The following TTL variants were observed in gnomAD, a reference collection of about 807,000 sequenced individuals.
The protein encoded by TTL is tubulin tyrosine ligase, also known as tubulin--tyrosine ligase.
TTL carries 10 observed loss-of-function variants against 41.1 expected under a neutral mutation model. The observed-to-expected ratio is 0.24, with a 90% CI of 0.15 to 0.41. TTL has a LOEUF of 0.41. Ranked by LOEUF, TTL falls within the 10% of genes least tolerant of loss-of-function variation. The probability of loss-of-function intolerance (pLI) is 1.00; values close to 1 mark genes in which losing one functional copy is unlikely to be tolerated. For missense variants in TTL, 367 were observed against 460.4 expected, an observed-to-expected ratio of 0.80 and a Z score of 1.86; for synonymous variants, 175 against 175.5, an observed-to-expected ratio of 1.00 and a Z score of 0.02.
chr2:112,482,361 T>G lies in TTL; in HGVS notation c.17T>G (p.Val6Gly). Residue 6 changes from valine to glycine, a missense_variant, in exon 1 of 7, where the codon GTA becomes GGA. Transcript: ENST00000233336. This position sits in a 1 kb window ranked among gnomAD's most constrained non-coding sequence, Gnocchi z 5.3. MYTFVVRDENSSVYAE... is the reference protein window; with the variant it reads MYTFVGRDENSSVYAE... ...CGCTTCGCCATGTACACCTTCGTGG[T>G]ACGCGATGAGAACAGCAGCGTCTAC... 6.4e-7 allele frequency: 1 copy of G among 1,564,402 alleles called. No individual in the cohort carries two copies. Among genetic ancestry groups the G allele is most frequent in the Non-Finnish European group, 8.7e-7 (1 of 1,155,498 alleles).
Position 112,530,281 on chromosome 2 carries a change from A to C in TTL, c.*1486A>C, listed in dbSNP as rs1202442334. 1.3e-5 allele frequency: 3 copies of C among 231,172 alleles called. No individual in the cohort carries two copies. The highest frequency in any genetic ancestry group is 1.1e-4 in the Admixed American group (2 of 17,722). The allele number at this position is 231,172 out of a possible 1,614,324, so 14.3% of individuals were successfully genotyped here. On this transcript the variant is annotated 3_prime_UTR_variant, in exon 7 of 7. Coordinates refer to ENST00000233336, the MANE Select transcript of TTL (RefSeq NM_153712.5). ...AATGAAAAAGGCAATAATGATAGAA[A>C]TTATTTCTTAGGTACAGCAATAGTT...
intron 5 of TTL, among the ~76,000 whole-genome samples, chr2:112,513,633 A>G (rs1021422700): frequency 4.0e-5 from 6 of 148,964 alleles, no homozygotes; most frequent in Non-Finnish European, 5.9e-5. Context: ...TTATACAAGT[A>G]TGAATATTTA....
At chr2:112,518,427 T>A (rs1682129096) in intron 5 of TTL, among the ~76,000 whole-genome samples, 1 of 152,038 alleles carries the variant, frequency 6.6e-6, no homozygotes, top group Admixed American at 6.5e-5. Flanking sequence ...ATGACTCATC[T>A]TAAAAGAACC....
In TTL at chr2:112,531,970, A is replaced by G. The variant is rs977442264; in HGVS notation, c.*3175A>G. The G allele has an allele frequency of 8.8e-6, 2 of 226,664 alleles. No homozygotes were observed. Among genetic ancestry groups the G allele is most frequent in the Non-Finnish European group, 1.8e-5 (2 of 114,050 alleles). The allele number at this position is 226,664 out of a possible 1,614,324, so 14.0% of individuals were successfully genotyped here. On this transcript the variant is annotated 3_prime_UTR_variant, in exon 7 of 7. Transcript: ENST00000233336. Reference sequence around the variant, plus strand: ...AAACTCAACTCCTATGGCAATTATGAACTCCATTTTACCAAGAACATTTAA... The same window carrying G: ...AAACTCAACTCCTATGGCAATTATGGACTCCATTTTACCAAGAACATTTAA...
intron 4 of TTL, 102 bp from the exon 5 acceptor site, chr2:112,502,810 C>G: frequency 7.3e-7 from 1 of 1,374,354 alleles, no homozygotes; most frequent in Non-Finnish European, 9.8e-7. Context: ...CCTCCCACTC[C>G]TTACCTACCC....
At chr2:112,519,053 C>T (rs77859552) in intron 5 of TTL, among the ~76,000 whole-genome samples, 1 of 152,018 alleles carries the variant, frequency 6.6e-6, no homozygotes, top group African/African-American at 2.4e-5. Flanking sequence ...GTCATTGTAG[C>T]ACATTTTATT....
rs1351927836 is a variant in TTL at position 112,538,446 on chromosome 2, A to G, written c.*9651A>G. The G allele has an allele frequency of 6.6e-6, 1 of 152,206 alleles. No individual in the cohort carries two copies. Among genetic ancestry groups the G allele is most frequent in the East Asian group, 1.9e-4 (1 of 5,200 alleles). 9.4% of individuals were successfully genotyped at this position (152,206 alleles called of 1,614,324 possible). A position where few individuals can be genotyped will look rare whatever the true frequency, so the allele number is the denominator to read the frequency against. On this transcript the variant is annotated 3_prime_UTR_variant, in exon 7 of 7. Transcript: ENST00000233336. The stretch of plus-strand genomic sequence containing the variant: ...ATTATGACTAAGTGGGACTTATCCT[A>G]AGATTACAAAGTTTGGAATAACTCA...
chr2:112,495,772 G>A (rs562179893), intron 3 of TTL, among the ~76,000 whole-genome samples: 3 of 152,254 alleles, frequency 2.0e-5, no homozygotes, highest in South Asian at 2.1e-4. Context: ...GCGTGAACCC[G>A]GGAAGTGGAG....
At chr2:112,510,596 C>T (rs1314304072) in intron 5 of TTL, among the ~76,000 whole-genome samples, 2 of 152,118 alleles carry the variant, frequency 1.3e-5, no homozygotes, top group Non-Finnish European at 2.9e-5. Flanking sequence ...CTCAGCCTCC[C>T]GTGTAGCTGG....
chr2:112,490,985 ATAC>A (rs1681368923), intron 2 of TTL, among the ~76,000 whole-genome samples: 1 of 151,704 alleles, frequency 6.6e-6, no homozygotes, highest in South Asian at 2.1e-4. Flanking sequence ...TAAAATATCT[ATAC>A]TATGAGTTTG....
rs927788369 is a variant in TTL at position 112,533,000 on chromosome 2, C to G, written c.*4205C>G. ...CAGGTTTTTAAATACCTATAAACCT[C>G]ACACACCTGAGATGCTTAGTCTTGT... On this transcript the variant is annotated 3_prime_UTR_variant, in exon 7 of 7. Coordinates refer to ENST00000233336, the MANE Select transcript of TTL (RefSeq NM_153712.5). 2.6e-5 allele frequency: 4 copies of G among 152,244 alleles called. No homozygotes were observed. The highest frequency in any genetic ancestry group is 5.9e-5 in the Non-Finnish European group (4 of 68,050). 9.4% of individuals were successfully genotyped at this position (152,244 alleles called of 1,614,324 possible). A position where few individuals can be genotyped will look rare whatever the true frequency, so the allele number is the denominator to read the frequency against.
intron 5 of TTL, among the ~76,000 whole-genome samples, chr2:112,515,048 C>A (rs1156605323): frequency 1.3e-5 from 2 of 152,064 alleles, no homozygotes; most frequent in Admixed American, 1.3e-4. Flanking sequence ...AGTTAGCGTG[C>A]TTTTTAGTTC....
intron 2 of TTL, among the ~76,000 whole-genome samples, chr2:112,492,674 G>A (rs1005442653): frequency 1.3e-5 from 2 of 151,918 alleles, no homozygotes; most frequent in African/African-American, 2.4e-5. Flanking sequence ...AGCTTGCAGT[G>A]AGCCGAGGTC....
At position 112,538,914 on chromosome 2, in the gene TTL, A is replaced by C. The variant is rs187707725; in HGVS notation, c.*10119A>C. ...GGGCGGATCATGAGGTCCGGAGATC[A>C]AGACCATCCTGGCTAATATGGTGAA... On this transcript the variant is annotated 3_prime_UTR_variant, in exon 7 of 7. Coordinates refer to ENST00000233336, the MANE Select transcript of TTL (RefSeq NM_153712.5). 6.6e-6 allele frequency: 1 copy of C among 152,186 alleles called. No homozygotes were observed. The highest frequency in any genetic ancestry group is 1.5e-5 in the Non-Finnish European group (1 of 68,136). 9.4% of individuals were successfully genotyped at this position (152,186 alleles called of 1,614,324 possible).
At position 112,531,926 on chromosome 2, in the gene TTL, T is replaced by C; in HGVS notation, c.*3131T>C. 1 of 224,312 alleles carries C rather than the reference T, an allele frequency of 4.5e-6. No homozygotes were observed. The highest frequency in any genetic ancestry group is 8.9e-6 in the Non-Finnish European group (1 of 112,660). 13.9% of individuals were successfully genotyped at this position (224,312 alleles called of 1,614,324 possible). A position where few individuals can be genotyped will look rare whatever the true frequency, so the allele number is the denominator to read the frequency against. ...AAATATGTATTAAGGGTATTAATTA[T>C]TGAAAGTCCCTTTCCCCAAAACTCA... On this transcript the variant is annotated 3_prime_UTR_variant, in exon 7 of 7. Transcript: ENST00000233336.
rs1559017335 is a variant in TTL, at chr2:112,513,635, G to GTATAAGTATAAATATTTATACAAGTATA, written c.876-6647_876-6646insTATAAGTATAAATATTTATACAAGTATA. On this transcript the variant is annotated intron_variant, in intron 5 of 6. Transcript: ENST00000233336. ...TAAGTATAAATATTTATACAAGTAT[G>GTATAAGTATAAATATTTATACAAGTATA]AATATTTATACAAGTATAAATATAA... is the stretch of plus-strand genomic sequence containing the variant. Among the ~76,000 whole-genome samples the GTATAAGTATAAATATTTATACAAGTATA allele has an allele frequency of 2.2e-4, 33 of 148,800 alleles. 2 individuals are homozygous for GTATAAGTATAAATATTTATACAAGTATA. The highest frequency in any genetic ancestry group is 1.6e-3 in the East Asian group (8 of 5,106).
chr2:112,531,012 AG>A lies in TTL; in HGVS notation c.*2219del, dbSNP rs1181836204. 2 of 190,746 alleles carry A rather than the reference AG, an allele frequency of 1.0e-5. No homozygotes were observed. Among genetic ancestry groups the A allele is most frequent in the African/African-American group, 4.7e-5 (2 of 42,938 alleles). The allele number at this position is 190,746 out of a possible 1,614,324, so 11.8% of individuals were successfully genotyped here. On this transcript the variant is annotated 3_prime_UTR_variant, in exon 7 of 7. Coordinates refer to ENST00000233336, the MANE Select transcript of TTL (RefSeq NM_153712.5). ...GAGACGTGGTCTCACTGTGTTGCCC[AG>A]GCTGGATTGCAGTGGCTATTCGCAG...
intron 1 of TTL, chr2:112,483,095 AT>A (rs1681139854): frequency 6.6e-6 from 1 of 152,276 alleles, no homozygotes; most frequent in Non-Finnish European, 1.5e-5. Flanking sequence ...GGGATGTCTG[AT>A]TATAAACCTT....
Position 112,537,549 on chromosome 2 carries a change from AT to A in TTL, c.*8755del, listed in dbSNP as rs1682619635. On this transcript the variant is annotated 3_prime_UTR_variant, in exon 7 of 7. Transcript: ENST00000233336. ...GCTATTCTGACTGGCGTGAGATGAT[AT>A]CTTATTGTGGTTGTGATTTCCATTT... The A allele has an allele frequency of 6.6e-6, 1 of 152,158 alleles. No homozygotes were observed. The highest frequency in any genetic ancestry group is 1.5e-5 in the Non-Finnish European group (1 of 68,030). The allele number at this position is 152,158 out of a possible 1,614,324, so 9.4% of individuals were successfully genotyped here.
Sources: allele counts gnomAD v4.1 joint callset (sites outside exome capture counted in the v4.1 genomes callset), GRCh38; gene constraint gnomAD v4.1.1; non-coding constraint Gnocchi (gnomAD v3.1); transcripts MANE v1.5; gene names NCBI Gene and HGNC (gene_info 2026-07-23, HGNC 2026-07-21).